FOXP1: variants seen among roughly 807,000 people sequenced by gnomAD.
The protein encoded by FOXP1 is forkhead box P1.
A neutral mutation model predicts 98.2 loss-of-function variants in FOXP1; 15 were observed. That is an observed-to-expected ratio of 0.15 (90% CI 0.10 to 0.24). The LOEUF (loss-of-function observed/expected upper bound fraction) is 0.24, where lower values mean the gene tolerates loss of function less well. Ranked by LOEUF, FOXP1 falls within the 10% of genes least tolerant of loss-of-function variation. The pLI is 1.00. For missense variants in FOXP1, 633 were observed against 848.5 expected, an observed-to-expected ratio of 0.75 and a Z score of 3.15; for synonymous variants, 371 against 314.5, an observed-to-expected ratio of 1.18 and a Z score of -1.90.
intron 20 of FOXP1, among the ~76,000 whole-genome samples, chr3:70,963,367 C>T (rs2034014518): frequency 6.6e-6 from 1 of 152,174 alleles, no homozygotes; most frequent in Admixed American, 6.5e-5. Flanking sequence ...GTGTGGCAAA[C>T]GTGTAGCACA....
intron 6 of FOXP1, among the ~76,000 whole-genome samples, chr3:71,138,488 G>A (rs908670075): frequency 3.9e-5 from 6 of 152,036 alleles, no homozygotes; most frequent in Admixed American, 2.6e-4. Context: ...AAAGAAAGGC[G>A]AGAAGGCAGC....
chr3:70,977,796 A>C, intron 15 of FOXP1, 32 bp downstream of exon 15: 1 of 1,612,572 alleles, frequency 6.2e-7, no homozygotes. Flanking sequence ...GCAGATTACA[A>C]CTCTACGTGA....
At chr3:71,513,520 C>G (rs779505866) in intron 2 of FOXP1, among the ~76,000 whole-genome samples, 11 of 152,190 alleles carry the variant, frequency 7.2e-5, no homozygotes, top group South Asian at 2.1e-4. Flanking sequence ...TCTCTTACCC[C>G]ACCCGTGGTC....
chr3:71,243,109 C>G (rs977813527), intron 5 of FOXP1, among the ~76,000 whole-genome samples: 2 of 152,116 alleles, frequency 1.3e-5, no homozygotes, highest in African/African-American at 4.8e-5. Context: ...CCAATCACCC[C>G]CTCCATGGCC....
At chr3:71,106,585 A>G (rs2057445670) in intron 7 of FOXP1, among the ~76,000 whole-genome samples, 1 of 151,290 alleles carries the variant, frequency 6.6e-6, no homozygotes, top group Non-Finnish European at 1.5e-5. Context: ...TGGCTTCTCA[A>G]AGTGCTGGGG....
rs538652419 is a variant in FOXP1, at chr3:71,268,338, A to C, written c.-12+31482T>G. ...TAAAAATCAGATACAGTCACATCAC[A>C]AGGATAAAGTATTCCAAAATGCTTG... On this transcript the variant is annotated intron_variant, in intron 5 of 20. Transcript: ENST00000649528. Among the ~76,000 whole-genome samples the C allele has an allele frequency of 2.6e-5, 4 of 152,136 alleles. No individual in the cohort carries two copies. In the South Asian group the frequency reaches 6.2e-4, roughly 24 times the overall value.
At chr3:71,074,034 A>G (rs1315339709) in intron 7 of FOXP1, among the ~76,000 whole-genome samples, 1 of 152,198 alleles carries the variant, frequency 6.6e-6, no homozygotes, top group Non-Finnish European at 1.5e-5. Context: ...ACAGGATTTG[A>G]CAAAGAAAGG....
intron 4 of FOXP1, among the ~76,000 whole-genome samples, chr3:71,322,235 G>A (rs767897018): frequency 6.6e-6 from 1 of 152,108 alleles, no homozygotes; most frequent in Non-Finnish European, 1.5e-5. Flanking sequence ...ATCAACATCT[G>A]GGCTATGAAA....
intron 2 of FOXP1, chr3:71,580,823 G>A (rs2048106188): frequency 1.0e-6 from 1 of 985,264 alleles, no homozygotes; most frequent in South Asian, 4.7e-5. Flanking sequence ...TACAACCAAT[G>A]GTGAAGTGTA....
chr3:71,565,605 C>T (rs1173055658), intron 2 of FOXP1, among the ~76,000 whole-genome samples: 1 of 152,094 alleles, frequency 6.6e-6, no homozygotes, highest in African/African-American at 2.4e-5. Context: ...GGTATAGTAC[C>T]TAGTATATTT....
chr3:71,294,532 C>A (rs1279222654), intron 5 of FOXP1, among the ~76,000 whole-genome samples: 1 of 152,160 alleles, frequency 6.6e-6, no homozygotes, highest in African/African-American at 2.4e-5. Context: ...GTCCTTCTTA[C>A]ACGGTGCTAT....
chr3:71,475,514 T>A (rs1320879257), intron 3 of FOXP1, among the ~76,000 whole-genome samples: 1 of 152,110 alleles, frequency 6.6e-6, no homozygotes. Context: ...CTTCAAAATC[T>A]TGCATTATAC....
intron 19 of FOXP1, among the ~76,000 whole-genome samples, chr3:70,967,700 G>GTTGTT (rs2035202316): frequency 3.1e-5 from 2 of 63,628 alleles, no homozygotes; most frequent in South Asian, 6.4e-4. Context: ...TTTTTTTTTT[G>GTTGTT]TTTTTTTTTG....
At chr3:71,347,816 C>T (rs949424094) in intron 4 of FOXP1, among the ~76,000 whole-genome samples, 9 of 151,510 alleles carry the variant, frequency 5.9e-5, no homozygotes, top group Admixed American at 4.0e-4. Flanking sequence ...ACATGGGAGG[C>T]GGAGGTTGCA....
rs376020882 is a variant in FOXP1 at position 71,355,839 on chromosome 3, C to A, written c.-73+3311G>T. The stretch of plus-strand genomic sequence containing the variant: ...GGTGGTGTGACTCTTACCCGTCTCA[C>A]CTAACAGGGCTCAAAAACTCAAGAG... On this transcript the variant is annotated intron_variant, in intron 4 of 20. Transcript: ENST00000649528. 2.0e-4 allele frequency among the ~76,000 whole-genome samples: 30 copies of A among 152,256 alleles called. No homozygotes were observed. The East Asian group carries it at 4.6e-3, about 24-fold the overall frequency.
intron 5 of FOXP1, among the ~76,000 whole-genome samples, chr3:71,273,335 G>C (rs1007568267): frequency 2.0e-5 from 3 of 152,194 alleles, no homozygotes; most frequent in Non-Finnish European, 4.4e-5. Context: ...ATGTGAAGCA[G>C]TGTCATCTGA....
chr3:71,469,052 A>G (rs956771194), intron 3 of FOXP1, among the ~76,000 whole-genome samples: 1 of 152,200 alleles, frequency 6.6e-6, no homozygotes, highest in South Asian at 2.1e-4. Context: ...GCAATATCCA[A>G]ATCAGAGAGG....
At chr3:71,033,876 C>T (rs1200440064) in intron 11 of FOXP1, among the ~76,000 whole-genome samples, 3 of 152,158 alleles carry the variant, frequency 2.0e-5, no homozygotes, top group Non-Finnish European at 4.4e-5. Context: ...TGATTCGCCC[C>T]CAGGGTGCTT....
At chr3:71,247,923 T>C (rs2067879599) in intron 5 of FOXP1, among the ~76,000 whole-genome samples, 1 of 152,332 alleles carries the variant, frequency 6.6e-6, no homozygotes, top group East Asian at 1.9e-4. Flanking sequence ...ACAGAAAGGC[T>C]GTCCTTCTGC....
Sources: gnomAD v4.1 joint callset for allele counts (sites outside exome capture counted in the v4.1 genomes callset) on GRCh38, gnomAD v4.1.1 for gene constraint, MANE v1.5 for transcripts, NCBI Gene and HGNC (gene_info 2026-07-23, HGNC 2026-07-21) for gene names.